The following DIP2C variants were observed in gnomAD, a reference collection of about 807,000 sequenced individuals.
The protein encoded by DIP2C is disco-interacting protein 2 homolog C.
In DIP2C, 33 loss-of-function variants were observed where a neutral mutation model predicts 192.4. That is an observed-to-expected ratio of 0.17 (90% CI 0.13 to 0.23). The LOEUF is 0.23. Among genes scored for constraint, DIP2C ranks in the 10% least tolerant of loss-of-function variants. The pLI is 1.00. For synonymous variants in DIP2C, 979 were observed against 864.1 expected (o/e 1.13, Z -2.33); for missense variants, 1,537 against 2,110.1 (o/e 0.73, Z 5.32).
chr10:644,674 T>C (rs1459131274), intron 1 of DIP2C, among the ~76,000 whole-genome samples: 1 of 149,134 alleles, frequency 6.7e-6, no homozygotes, highest in Non-Finnish European at 1.5e-5. Context: ...ATCTCAGACG[T>C]AGGGTTCAGC....
At chr10:333,135 T>C (rs540942196) in intron 29 of DIP2C, among the ~76,000 whole-genome samples, 2 of 152,296 alleles carry the variant, frequency 1.3e-5, no homozygotes, top group African/African-American at 4.8e-5. Context: ...ACTCCTGACC[T>C]CAAGTGATCC....
intron 1 of DIP2C, among the ~76,000 whole-genome samples, chr10:614,026 A>T (rs151101842): frequency 8.5e-4 from 130 of 152,330 alleles, no homozygotes; most frequent in African/African-American, 2.5e-3. Context: ...CCTGCATTCA[A>T]CGTCCTCCAT....
intron 36 of DIP2C, 95 bp downstream of exon 36, chr10:281,104 TA>T: frequency 6.5e-7 from 1 of 1,543,268 alleles, no homozygotes; most frequent in Middle Eastern, 1.7e-4. Flanking sequence ...TTCCCTACCT[TA>T]ACAAAACTCT....
chr10:345,292 C>G lies in DIP2C; in HGVS notation c.3232-182G>C, dbSNP rs539856032. On this transcript the variant is annotated intron_variant, in intron 26 of 36. Transcript: ENST00000280886. ...AGCTAGGAGTCTAGTTGTGGAGGCA[C>G]GGGGGCAGGGCATGCGGCCTGAAGC... is the stretch of plus-strand genomic sequence containing the variant. 68 of 706,952 alleles carry G rather than the reference C, an allele frequency of 9.6e-5. No individual in the cohort carries two copies. The African/African-American group carries it at 1.1e-3, about 12-fold the overall frequency. The allele number at this position is 706,952 out of a possible 1,614,324, so 43.8% of individuals were successfully genotyped here. A position where few individuals can be genotyped will look rare whatever the true frequency, so the allele number is the denominator to read the frequency against.
chr10:575,531 T>C (rs1850096626), intron 1 of DIP2C, among the ~76,000 whole-genome samples: 1 of 152,198 alleles, frequency 6.6e-6, no homozygotes, highest in Admixed American at 6.5e-5. Flanking sequence ...AGTGTCAAGA[T>C]GTTGAAGTCG....
chr10:369,898 C>A, intron 17 of DIP2C: 2 of 1,360,674 alleles, frequency 1.5e-6, no homozygotes, highest in South Asian at 3.0e-5. Flanking sequence ...CCTCTCCTGC[C>A]CCCTCTATGC....
chr10:563,175 G>A (rs908846324), intron 1 of DIP2C, among the ~76,000 whole-genome samples: 4 of 152,196 alleles, frequency 2.6e-5, no homozygotes, highest in Non-Finnish European at 5.9e-5. Context: ...GGCCAACTTC[G>A]ACTAATGCAG....
In DIP2C at chr10:349,438, G is replaced by A. The variant is rs1463938134; in HGVS notation, c.3002C>T (p.Ser1001Leu). ...LLNCRGAIAN[S>L]LTCVQLHKRA... ...CTTGTGCAGCTGCACGCAGGTCAGC[G>A]AGTTCGCTATCGCACCCTGCGGGCC... Residue 1001 changes from serine (S) to leucine (L), a missense_variant, in exon 25 of 37, where the codon TCG (serine) becomes TTG (leucine). Physicochemically the swap from Ser to Leu is moderately radical, Grantham distance 145 (BLOSUM62 -2). Coordinates refer to ENST00000280886, the MANE Select transcript of DIP2C (RefSeq NM_014974.3). 3 of 1,608,302 alleles carry A rather than the reference G, an allele frequency of 1.9e-6. No homozygotes were observed. The highest frequency in any genetic ancestry group is 1.3e-5 in the African/African-American group (1 of 75,040).
intron 1 of DIP2C, among the ~76,000 whole-genome samples, chr10:584,270 A>C (rs955283684): frequency 1.3e-5 from 2 of 152,266 alleles, no homozygotes; most frequent in African/African-American, 4.8e-5. Flanking sequence ...TCTTTAAACA[A>C]CCACCAGCCA....
chr10:520,508 G>A (rs1206526953), intron 1 of DIP2C, among the ~76,000 whole-genome samples: 2 of 152,202 alleles, frequency 1.3e-5, no homozygotes, highest in Admixed American at 1.3e-4. Flanking sequence ...ATCCCAGTTG[G>A]AAGGAGTTTG....
chr10:369,394 CCACGGGAA>C (rs376476699), intron 18 of DIP2C, 92 bp downstream of exon 18: 163 of 1,433,582 alleles, frequency 1.1e-4, no homozygotes, highest in Non-Finnish European at 8.0e-5. Flanking sequence ...TGAGGGCACA[CCACGGGAA>C]CGCGGGAACG....
intron 32 of DIP2C, among the ~76,000 whole-genome samples, chr10:292,573 G>A (rs1190831622): frequency 6.6e-6 from 1 of 152,188 alleles, no homozygotes; most frequent in African/African-American, 2.4e-5. Flanking sequence ...TGCTAGAAGC[G>A]ACGTCTCGGA....
At chr10:353,817 G>T (rs1045836893) in intron 24 of DIP2C, among the ~76,000 whole-genome samples, 1 of 152,176 alleles carries the variant, frequency 6.6e-6, no homozygotes, top group Non-Finnish European at 1.5e-5. Flanking sequence ...ATGGTGTGTG[G>T]AGTGATTCAT....
At chr10:356,536 G>A (rs374336748) in intron 23 of DIP2C, 30 bp from the exon 24 acceptor site, 38 of 1,585,714 alleles carry the variant, frequency 2.4e-5, no homozygotes, top group Non-Finnish European at 3.0e-5. Context: ...TGAGGATCAG[G>A]CTGTGCGGTT....
intron 1 of DIP2C, among the ~76,000 whole-genome samples, chr10:674,789 T>TATATATATAC: frequency 1.6e-5 from 1 of 62,498 alleles, no homozygotes; most frequent in Non-Finnish European, 2.7e-5. Context: ...TATATATATA[T>TATATATATAC]AGAGAGAGAG....
At chr10:330,978 A>ATT (rs34830576) in intron 29 of DIP2C, among the ~76,000 whole-genome samples, 10 of 100,358 alleles carry the variant, frequency 1.0e-4, no homozygotes, top group African/African-American at 3.0e-4. Flanking sequence ...TGCCTGGCTA[A>ATT]TTTTTTTTTT....
Position 382,499 on chromosome 10 carries a change from A to AT in DIP2C, c.1991+147dup, listed in dbSNP as rs1962466907. ...TGTTCAAAAGAATCTGTTCCAGCAC[A>AT]TAAAAACAGAAATAAACTCATCTTG... On this transcript the variant is annotated intron_variant, in intron 17 of 36. Transcript: ENST00000280886. 3 of 619,574 alleles carry AT rather than the reference A, an allele frequency of 4.8e-6. No individual in the cohort carries two copies. The African/African-American group carries it at 5.5e-5, about 11-fold the overall frequency. 38.4% of individuals were successfully genotyped at this position (619,574 alleles called of 1,614,324 possible).
In DIP2C at chr10:651,468, T is replaced by A. The variant is rs1296349223; in HGVS notation, c.85+38026A>T. On this transcript the variant is annotated intron_variant, in intron 1 of 36. Transcript: ENST00000280886. The surrounding 1 kb of genome is among the most constrained non-coding windows in gnomAD (Gnocchi z 4.1). ...AAAAATAGCAGAAGACTTAGTAGAATGTATGAGTAACAATTACAATTATAT... is the reference window on the plus strand; with the variant it reads ...AAAAATAGCAGAAGACTTAGTAGAAAGTATGAGTAACAATTACAATTATAT... 4.7e-6 allele frequency: 3 copies of A among 643,682 alleles called. No homozygotes were observed. The highest frequency in any genetic ancestry group is 8.6e-6 in the Non-Finnish European group (3 of 350,656). 39.9% of individuals were successfully genotyped at this position (643,682 alleles called of 1,614,324 possible).
At chr10:557,905 GA>G (rs1848993804) in intron 1 of DIP2C, among the ~76,000 whole-genome samples, 2 of 97,618 alleles carry the variant, frequency 2.0e-5, no homozygotes, top group African/African-American at 9.3e-5. Context: ...GGCAGGCGGG[GA>G]AGGGGGCGGG....
Sources: allele counts gnomAD v4.1 joint callset (sites outside exome capture counted in the v4.1 genomes callset), GRCh38; gene constraint gnomAD v4.1.1; non-coding constraint Gnocchi (gnomAD v3.1); transcripts MANE v1.5; gene names NCBI Gene and HGNC (gene_info 2026-07-23, HGNC 2026-07-21).